MAGI2: variants seen among roughly 807,000 people sequenced by gnomAD.
MAGI2 encodes the protein membrane associated guanylate kinase, WW and PDZ domain containing 2, also known as membrane-associated guanylate kinase, WW and PDZ domain-containing protein 2.
MAGI2 carries 35 observed loss-of-function variants against 133.3 expected under a neutral mutation model. The ratio of observed to expected loss-of-function variants is 0.26; its 90% CI spans 0.20 to 0.35. The LOEUF (loss-of-function observed/expected upper bound fraction) is 0.35. MAGI2 is among the 10% of genes least tolerant of loss of function. The pLI is 1.00. For synonymous variants in MAGI2, 729 were observed against 710.6 expected, an observed-to-expected ratio of 1.03 and a Z score of -0.41; for missense variants, 1,636 against 1,863.4, an observed-to-expected ratio of 0.88 and a Z score of 2.25.
At chr7:78,589,188 TTCATCA>T (rs960575908) in intron 3 of MAGI2, among the ~76,000 whole-genome samples, 1 of 152,132 alleles carries the variant, frequency 6.6e-6, no homozygotes, top group South Asian at 2.1e-4. Flanking sequence ...AAATCTACGT[TTCATCA>T]TCATCATCAT....
intron 2 of MAGI2, among the ~76,000 whole-genome samples, chr7:78,879,185 C>T (rs1480017924): frequency 6.6e-6 from 1 of 152,152 alleles, no homozygotes; most frequent in Non-Finnish European, 1.5e-5. Flanking sequence ...AATGCTTGTA[C>T]TTGCCACTGA....
At chr7:78,483,559 A>G (rs188659705) in intron 6 of MAGI2, among the ~76,000 whole-genome samples, 26 of 151,942 alleles carry the variant, frequency 1.7e-4, no homozygotes, top group Admixed American at 2.6e-4. Flanking sequence ...GCCAGCCACA[A>G]CCCAAAATTT....
chr7:78,545,212 CTTTT>C (rs71085537), intron 3 of MAGI2, among the ~76,000 whole-genome samples: 10 of 83,088 alleles, frequency 1.2e-4, no homozygotes, highest in African/African-American at 1.0e-4. Flanking sequence ...TAACCTGATT[CTTTT>C]TTTTTTTTTT....
intron 3 of MAGI2, among the ~76,000 whole-genome samples, chr7:78,603,737 G>A (rs1805466011): frequency 1.3e-5 from 2 of 152,084 alleles, no homozygotes; most frequent in African/African-American, 2.4e-5. Context: ...TGGCCAGGCT[G>A]GTCTTGAACT....
At chr7:78,768,149 G>A (rs539229556) in intron 2 of MAGI2, among the ~76,000 whole-genome samples, 75 of 152,294 alleles carry the variant, frequency 4.9e-4, no homozygotes, top group African/African-American at 1.8e-3. Context: ...AGCAAGCTCT[G>A]CTCTTAGCTT....
chr7:78,111,883 G>T (rs1819400027), intron 20 of MAGI2, among the ~76,000 whole-genome samples: 1 of 152,310 alleles, frequency 6.6e-6, no homozygotes, highest in Non-Finnish European at 1.5e-5. Context: ...TTTCAGGGTT[G>T]GCTGAATTTC....
chr7:78,951,916 C>A (rs947706710), intron 2 of MAGI2, among the ~76,000 whole-genome samples: 1 of 152,118 alleles, frequency 6.6e-6, no homozygotes, highest in South Asian at 2.1e-4. Context: ...TTCCACCAGA[C>A]TATTTCTTCT....
At chr7:79,031,912 T>C (rs1483932230) in intron 1 of MAGI2, among the ~76,000 whole-genome samples, 1 of 152,104 alleles carries the variant, frequency 6.6e-6, no homozygotes, top group Non-Finnish European at 1.5e-5. Context: ...AATAAGAATA[T>C]AAAAATAATC....
At chr7:79,141,007 A>G (rs566035363) in intron 1 of MAGI2, among the ~76,000 whole-genome samples, 26 of 152,312 alleles carry the variant, frequency 1.7e-4, no homozygotes, top group Non-Finnish European at 2.9e-4. Flanking sequence ...AATAAAAAGC[A>G]ATTTGTATAA....
chr7:78,054,892 A>T (rs1408546966), intron 21 of MAGI2, among the ~76,000 whole-genome samples: 2 of 152,102 alleles, frequency 1.3e-5, no homozygotes, highest in Non-Finnish European at 2.9e-5. Flanking sequence ...GGCTCAAGCG[A>T]TCTTCCTACC....
chr7:79,016,970 C>T (rs939272917), intron 1 of MAGI2, among the ~76,000 whole-genome samples: 1 of 152,252 alleles, frequency 6.6e-6, no homozygotes, highest in Non-Finnish European at 1.5e-5. Context: ...TGCACGGACA[C>T]TGGCGAGGCC....
At chr7:78,654,749 A>AGC (rs1811985292) in intron 2 of MAGI2, among the ~76,000 whole-genome samples, 1 of 97,826 alleles carries the variant, frequency 1.0e-5, no homozygotes, top group Non-Finnish European at 2.1e-5. Context: ...ATATATATAT[A>AGC]GCATATATTT....
chr7:79,010,445 T>C (rs975154473), intron 1 of MAGI2, among the ~76,000 whole-genome samples: 5 of 152,146 alleles, frequency 3.3e-5, no homozygotes, highest in African/African-American at 7.2e-5. Flanking sequence ...AAAGTTAGCC[T>C]TTTAAAGCAA....
At chr7:78,590,246 G>A (rs1397776339) in intron 3 of MAGI2, among the ~76,000 whole-genome samples, 1 of 152,196 alleles carries the variant, frequency 6.6e-6, no homozygotes, top group Non-Finnish European at 1.5e-5. Flanking sequence ...GAGGAGCTGA[G>A]TGCCCTGGAA....
intron 9 of MAGI2, among the ~76,000 whole-genome samples, chr7:78,301,366 C>G (rs950596094): frequency 6.6e-6 from 1 of 152,208 alleles, no homozygotes; most frequent in Non-Finnish European, 1.5e-5. Flanking sequence ...CAAAATGTCT[C>G]TGACACAAAC....
chr7:78,483,651 A>G (rs1792661804), intron 6 of MAGI2, among the ~76,000 whole-genome samples: 1 of 151,844 alleles, frequency 6.6e-6, no homozygotes, highest in Admixed American at 6.6e-5. Flanking sequence ...CAAAAGATTT[A>G]TATTCCTAAA....
chr7:78,624,885 ATTG>A (rs1409827347), intron 3 of MAGI2, among the ~76,000 whole-genome samples: 1 of 152,120 alleles, frequency 6.6e-6, no homozygotes, highest in Non-Finnish European at 1.5e-5. Flanking sequence ...TTTACTTTTT[ATTG>A]TTATTTTAGG....
At chr7:79,208,042 T>C (rs1372226007) in intron 1 of MAGI2, among the ~76,000 whole-genome samples, 6 of 151,880 alleles carry the variant, frequency 4.0e-5, no homozygotes, top group South Asian at 2.1e-4. Context: ...CAACTAAAAA[T>C]GGATTAAAGA....
At chr7:79,132,627 T>G (rs1821035329) in intron 1 of MAGI2, among the ~76,000 whole-genome samples, 1 of 152,238 alleles carries the variant, frequency 6.6e-6, no homozygotes, top group Non-Finnish European at 1.5e-5. Flanking sequence ...CTTTTTTGTA[T>G]AATAACTTCT....
Sources: gnomAD v4.1 joint callset for allele counts (sites outside exome capture counted in the v4.1 genomes callset) on GRCh38, gnomAD v4.1.1 for gene constraint, MANE v1.5 for transcripts, NCBI Gene and HGNC (gene_info 2026-07-23, HGNC 2026-07-21) for gene names.